The following RPRD2 variants were observed in gnomAD, a reference collection of about 807,000 sequenced individuals.
RPRD2 encodes regulation of nuclear pre-mRNA domain containing 2.
Under a neutral mutation model 104.4 loss-of-function variants are expected in RPRD2, and 12 were observed. That is an observed-to-expected ratio of 0.11 (90% CI 0.07 to 0.19). The LOEUF (loss-of-function observed/expected upper bound fraction) is 0.19. RPRD2 is among the 10% of genes least tolerant of loss of function. RPRD2 has a pLI of 1.00. For missense variants in RPRD2, 1,543 were observed against 1,790.1 expected, an observed-to-expected ratio of 0.86 and a Z score of 2.49; for synonymous variants, 714 against 684.9, an observed-to-expected ratio of 1.04 and a Z score of -0.66.
At chr1:150,428,454 C>CAAAA (rs34596290) in intron 2 of RPRD2, among the ~76,000 whole-genome samples, 1 of 71,260 alleles carries the variant, frequency 1.4e-5, no homozygotes. Context: ...GACTCTGTCT[C>CAAAA]AAAAAAAAAA....
chr1:150,422,250 A>G (rs1664811007), intron 2 of RPRD2, among the ~76,000 whole-genome samples: 1 of 151,194 alleles, frequency 6.6e-6, no homozygotes. Flanking sequence ...AGGCTGAGGC[A>G]GGAGAATGGC....
intron 1 of RPRD2, among the ~76,000 whole-genome samples, chr1:150,384,145 C>CT (rs1162094970): frequency 3.9e-5 from 6 of 152,072 alleles, no homozygotes; most frequent in African/African-American, 1.4e-4. Flanking sequence ...CATGGAATCC[C>CT]TTTCGTTTTT....
At chr1:150,443,744 G>A (rs1962480) in intron 5 of RPRD2, among the ~76,000 whole-genome samples, 17 of 151,968 alleles carry the variant, frequency 1.1e-4, no homozygotes, top group African/African-American at 3.4e-4. Context: ...GGTGGCTCAC[G>A]CCTGTAATCC....
chr1:150,403,354 A>G (rs1170976564), intron 1 of RPRD2, among the ~76,000 whole-genome samples: 1 of 152,196 alleles, frequency 6.6e-6, no homozygotes, highest in Non-Finnish European at 1.5e-5. Context: ...CGCAGCCATC[A>G]CCACCATCCA....
At chr1:150,396,241 T>A (rs1419648183) in intron 1 of RPRD2, among the ~76,000 whole-genome samples, 2 of 151,894 alleles carry the variant, frequency 1.3e-5, no homozygotes, top group Non-Finnish European at 1.5e-5. Context: ...TATTATAGAT[T>A]CTGGAAATTA....
At chr1:150,406,267 G>A (rs1472375840) in intron 1 of RPRD2, among the ~76,000 whole-genome samples, 1 of 152,132 alleles carries the variant, frequency 6.6e-6, no homozygotes, top group Non-Finnish European at 1.5e-5. Context: ...TGTACTGTCT[G>A]GTTTCAGGAA....
intron 1 of RPRD2, among the ~76,000 whole-genome samples, chr1:150,404,200 G>C (rs1572405968): frequency 1.3e-5 from 2 of 152,256 alleles, no homozygotes; most frequent in South Asian, 4.1e-4. Context: ...TTAAATATTA[G>C]TTTGAAATAA....
At chr1:150,443,384 C>T (rs1560207090) in intron 5 of RPRD2, 101 bp downstream of exon 5, 5 of 867,880 alleles carry the variant, frequency 5.8e-6, no homozygotes, top group Non-Finnish European at 3.6e-6. Flanking sequence ...TTCAATTACA[C>T]ATGTCATGTT....
At chr1:150,460,921 C>T (rs587637137) in intron 9 of RPRD2, among the ~76,000 whole-genome samples, 11 of 151,080 alleles carry the variant, frequency 7.3e-5, no homozygotes, top group African/African-American at 2.7e-4. Flanking sequence ...GACGGGGTTT[C>T]ACCATGTTGG....
rs911649247 is a variant in RPRD2 at position 150,457,566 on chromosome 1, C to T, written c.1149C>T (p.Ile383=). Residue 383 remains isoleucine (I), a synonymous_variant, in exon 8 of 11, where the codon ATC becomes ATT. Transcript: ENST00000369068. The stretch of plus-strand genomic sequence containing the variant: ...ATGTGGAAGATGATGGGTCAAAAAT[C>T]ATTGGTATGTCTTTATGTGATTAAT... ...LSDVEDDGSK[I]IVEDRKEKPA... The T allele has an allele frequency of 6.2e-7, 1 of 1,613,544 alleles. No individual in the cohort carries two copies. The highest frequency in any genetic ancestry group is 8.5e-7 in the Non-Finnish European group (1 of 1,179,468).
chr1:150,387,822 T>C (rs1661704056), intron 1 of RPRD2, among the ~76,000 whole-genome samples: 1 of 151,284 alleles, frequency 6.6e-6, no homozygotes, highest in Admixed American at 6.6e-5. Flanking sequence ...ACTCCTGACC[T>C]CAGGTGATTT....
intron 10 of RPRD2, among the ~76,000 whole-genome samples, chr1:150,467,147 A>G (rs1668334101): frequency 6.6e-6 from 1 of 152,202 alleles, no homozygotes; most frequent in African/African-American, 2.4e-5. Context: ...ACAGTTTCCT[A>G]AACTGTTATG....
Position 150,446,350 on chromosome 1 carries a change from T to C in RPRD2, c.819T>C (p.Asn273=). 3.7e-6 allele frequency: 6 copies of C among 1,610,136 alleles called. No individual in the cohort carries two copies. The highest frequency in any genetic ancestry group is 5.1e-6 in the Non-Finnish European group (6 of 1,179,186). ...NGPSLTEALE[N]AGIFYEAQYK... is the part of the protein sequence containing the mutation. ...CCTCATTAACAGAAGCACTGGAAAA[T>C]GCTGGAATTTTCTATGAAGCACAAT... Residue 273 remains asparagine (N), a synonymous_variant, in exon 7 of 11, where the codon AAT becomes AAC. Coordinates refer to ENST00000369068, the MANE Select transcript of RPRD2 (RefSeq NM_015203.5).
At chr1:150,415,368 A>G (rs1553888379) in intron 1 of RPRD2, among the ~76,000 whole-genome samples, 1 of 151,814 alleles carries the variant, frequency 6.6e-6, no homozygotes, top group African/African-American at 2.4e-5. Flanking sequence ...AAATACAAAT[A>G]AGAATCAAAT....
intron 2 of RPRD2, among the ~76,000 whole-genome samples, chr1:150,432,466 C>G (rs1467165812): frequency 6.6e-6 from 1 of 151,750 alleles, no homozygotes; most frequent in African/African-American, 2.4e-5. Flanking sequence ...GAGGTGGAGC[C>G]TTTGGGAGGT....
intron 1 of RPRD2, among the ~76,000 whole-genome samples, chr1:150,379,950 G>T (rs1184707997): frequency 6.6e-6 from 1 of 152,188 alleles, no homozygotes; most frequent in Non-Finnish European, 1.5e-5. Context: ...AATATAGAAT[G>T]ACCTTTGTCA....
chr1:150,473,520 C>CATTG lies in RPRD2; in HGVS notation c.*187_*190dup. ...TACTATTCAATTCAATCCTCCCTCC[C>CATTG]ATTGCACTTATCTACCTTCCCCAAG... On this transcript the variant is annotated 3_prime_UTR_variant, in exon 11 of 11. Coordinates refer to ENST00000369068, the MANE Select transcript of RPRD2 (RefSeq NM_015203.5). 2.7e-6 allele frequency: 1 copy of CATTG among 368,342 alleles called. No individual in the cohort carries two copies. 22.8% of individuals were successfully genotyped at this position (368,342 alleles called of 1,614,324 possible). A position where few individuals can be genotyped will look rare whatever the true frequency, so the allele number is the denominator to read the frequency against.
chr1:150,471,302 C>T lies in RPRD2; in HGVS notation c.2354C>T (p.Ser785Phe). The change falls in exon 11 of 11, where the codon TCT (serine) becomes TTT (phenylalanine). Residue 785 changes from serine to phenylalanine, a missense_variant. Around this residue, in one of 4 missense-constraint regions of RPRD2, gnomAD observed 880 missense variants for 885.6 expected, o/e 0.99. Transcript: ENST00000369068. This position sits in a 1 kb window ranked among gnomAD's most constrained non-coding sequence, Gnocchi z 5.3. Reference sequence around the variant, plus strand: ...AGCTACCCCCGAGAGCTCTCCAATTCTGTATCTACATATCGACCCTTTGGT... The same window carrying T: ...AGCTACCCCCGAGAGCTCTCCAATTTTGTATCTACATATCGACCCTTTGGT... ...DESYPRELSN[S>F]VSTYRPFGLG... is the part of the protein sequence containing the mutation. 6.2e-7 allele frequency: 1 copy of T among 1,613,916 alleles called. No homozygotes were observed. The highest frequency in any genetic ancestry group is 1.1e-5 in the South Asian group (1 of 91,054).
chr1:150,382,628 G>A (rs1313547280), intron 1 of RPRD2, among the ~76,000 whole-genome samples: 1 of 152,098 alleles, frequency 6.6e-6, no homozygotes, highest in Non-Finnish European at 1.5e-5. Flanking sequence ...CAAAGTGCTG[G>A]GATTACAGGC....
Sources: allele counts gnomAD v4.1 joint callset (sites outside exome capture counted in the v4.1 genomes callset), GRCh38; gene constraint gnomAD v4.1.1; regional missense constraint gnomAD v4.1.1; non-coding constraint Gnocchi (gnomAD v3.1); transcripts MANE v1.5; gene names NCBI Gene and HGNC (gene_info 2026-07-23, HGNC 2026-07-21).